The following SYNPR variants were observed in gnomAD, a reference collection of about 807,000 sequenced individuals.
SYNPR encodes synaptoporin.
In SYNPR, 23 loss-of-function variants were observed where a neutral mutation model predicts 32.9. That is an observed-to-expected ratio of 0.70 (90% CI 0.50 to 0.99). The LOEUF is 0.99. Among genes scored for constraint, SYNPR ranks in the 50% least tolerant of loss-of-function variants. The pLI, the probability that SYNPR is intolerant of heterozygous loss-of-function variation, is 0.00. For synonymous variants in SYNPR, 146 were observed against 135.9 expected (o/e 1.07, Z -0.52); for missense variants, 318 against 349.3 (o/e 0.91, Z 0.71).
chr3:63,330,241 G>T (rs1002189928), intron 2 of SYNPR: 3 of 152,084 alleles, frequency 2.0e-5, no homozygotes. Flanking sequence ...TTCTACTGGT[G>T]CATTCTTCTG....
chr3:63,352,569 G>C (rs1435574040), intron 2 of SYNPR, among the ~76,000 whole-genome samples: 1 of 152,142 alleles, frequency 6.6e-6, no homozygotes. Context: ...TAGAAAAAAG[G>C]GGACATTGAT....
At chr3:63,364,846 T>C (rs1369193091) in intron 2 of SYNPR, among the ~76,000 whole-genome samples, 1 of 152,184 alleles carries the variant, frequency 6.6e-6, no homozygotes, top group East Asian at 1.9e-4. Context: ...ATGTGCTCTA[T>C]GTTAAAGAAG....
At chr3:63,226,870 C>T (rs897059264), upstream of SYNPR, among the ~76,000 whole-genome samples, 1 of 152,060 alleles carries the variant, frequency 6.6e-6, no homozygotes, top group African/African-American at 2.4e-5. Flanking sequence ...TGGAATGTTA[C>T]CAACATATAG....
the SYNPR span, among the ~76,000 whole-genome samples, chr3:63,209,013 G>T: frequency 2.6e-5 from 4 of 151,716 alleles, no homozygotes; most frequent in African/African-American, 9.7e-5. Context: ...CTCCTCTAAC[G>T]TTTACCTTAT....
chr3:63,490,821 G>A (rs1701245072), intron 3 of SYNPR, among the ~76,000 whole-genome samples: 1 of 152,082 alleles, frequency 6.6e-6, no homozygotes, highest in Non-Finnish European at 1.5e-5. Context: ...GGAGAGCAGT[G>A]GTGCAATCTC....
chr3:63,560,286 G>A (rs1045526609), intron 4 of SYNPR, among the ~76,000 whole-genome samples: 1 of 152,198 alleles, frequency 6.6e-6, no homozygotes, highest in Admixed American at 6.5e-5. Flanking sequence ...GAGGCAGATT[G>A]CATGTAGATC....
At chr3:63,253,619 A>T (rs1336209059) in intron 2 of SYNPR, among the ~76,000 whole-genome samples, 1 of 152,200 alleles carries the variant, frequency 6.6e-6, no homozygotes, top group Admixed American at 6.5e-5. Context: ...ACAATGAGAT[A>T]CCATCTCACA....
At chr3:63,296,302 G>A (rs1421211957) in intron 2 of SYNPR, among the ~76,000 whole-genome samples, 1 of 152,102 alleles carries the variant, frequency 6.6e-6, no homozygotes, top group African/African-American at 2.4e-5. Flanking sequence ...CTCAAACATT[G>A]TGAGGTCCAT....
At chr3:63,272,116 C>T (rs1228620302) in intron 3 of SYNPR, among the ~76,000 whole-genome samples, 1 of 152,126 alleles carries the variant, frequency 6.6e-6, no homozygotes, top group Non-Finnish European at 1.5e-5. Flanking sequence ...ATCTCCTTTC[C>T]ATTGCTGTCG....
At chr3:63,435,290 A>G (rs900666624) in intron 2 of SYNPR, among the ~76,000 whole-genome samples, 2 of 152,216 alleles carry the variant, frequency 1.3e-5, no homozygotes, top group Non-Finnish European at 2.9e-5. Context: ...TGATGATAAC[A>G]ATAGATTCTA....
intron 2 of SYNPR, among the ~76,000 whole-genome samples, chr3:63,397,367 A>T (rs1192492624): frequency 1.3e-5 from 2 of 152,052 alleles, no homozygotes; most frequent in Non-Finnish European, 2.9e-5. Context: ...CTTAGTTGAA[A>T]CTCTGGTATA....
At chr3:63,305,114 C>A (rs1279901169) in intron 2 of SYNPR, among the ~76,000 whole-genome samples, 1 of 151,906 alleles carries the variant, frequency 6.6e-6, no homozygotes, top group Non-Finnish European at 1.5e-5. Context: ...TGGTGGTCTG[C>A]CTGATGGAGA....
chr3:63,312,251 T>C (rs1469302821), intron 2 of SYNPR, among the ~76,000 whole-genome samples: 1 of 152,042 alleles, frequency 6.6e-6, no homozygotes, highest in Non-Finnish European at 1.5e-5. Context: ...CTCCAAGATA[T>C]ATGCATATGA....
the SYNPR span, among the ~76,000 whole-genome samples, chr3:63,203,754 T>C: frequency 6.6e-6 from 1 of 152,170 alleles, no homozygotes; most frequent in Non-Finnish European, 1.5e-5. Flanking sequence ...CCCAGCACTT[T>C]AGGAGGCCAA....
the SYNPR span, among the ~76,000 whole-genome samples, chr3:63,206,898 G>A: frequency 2.6e-5 from 4 of 152,132 alleles, no homozygotes; most frequent in Non-Finnish European, 4.4e-5. Context: ...GAGAATCTGG[G>A]GCTGTGCCTG....
At chr3:63,282,886 TAC>T (rs375851150) in intron 2 of SYNPR, among the ~76,000 whole-genome samples, 2 of 152,220 alleles carry the variant, frequency 1.3e-5, no homozygotes. Flanking sequence ...CAAAATAATA[TAC>T]AGAGTCCTGT....
rs560820101 is a variant in SYNPR at position 63,387,151 on chromosome 3, G to A, written c.85-93681G>A. ...GCTCACATAATGATCTAGCTTGATCGCCACAACAACCCCATAAGAGTTTTC... is the reference window on the plus strand; with the variant it reads ...GCTCACATAATGATCTAGCTTGATCACCACAACAACCCCATAAGAGTTTTC... On this transcript the variant is annotated intron_variant, in intron 2 of 5. Transcript: ENST00000478300. Among the ~76,000 whole-genome samples, 11 of 152,248 alleles carry A rather than the reference G, an allele frequency of 7.2e-5. 1 individual carries two copies. In the South Asian group the frequency reaches 1.2e-3, roughly 17 times the overall value.
intron 2 of SYNPR, among the ~76,000 whole-genome samples, chr3:63,454,659 T>C (rs910584720): frequency 6.6e-6 from 1 of 152,046 alleles, no homozygotes; most frequent in African/African-American, 2.4e-5. Flanking sequence ...CAAATTCAAC[T>C]TGGACTTTAC....
At chr3:63,512,055 C>A (rs149706132) in intron 3 of SYNPR, among the ~76,000 whole-genome samples, 1,724 of 152,096 alleles carry the variant, frequency 0.011, 31 homozygotes, top group African/African-American at 0.039. Flanking sequence ...CATACACAAG[C>A]GAGTAATTAG....
Sources: allele counts gnomAD v4.1 joint callset (sites outside exome capture counted in the v4.1 genomes callset), GRCh38; gene constraint gnomAD v4.1.1; transcripts MANE v1.5; gene names NCBI Gene and HGNC (gene_info 2026-07-23, HGNC 2026-07-21).